KIAA1217: variants seen among roughly 807,000 people sequenced by gnomAD.
The protein encoded by KIAA1217 is sickle tail protein homolog.
KIAA1217 carries 88 observed loss-of-function variants against 163.9 expected under a neutral mutation model. That is an observed-to-expected ratio of 0.54 (90% CI 0.45 to 0.64). KIAA1217 has a LOEUF of 0.64. Ranked by LOEUF, KIAA1217 falls within the 30% of genes least tolerant of loss-of-function variation. The probability of loss-of-function intolerance (pLI) is 0.00; values close to 1 mark genes in which losing one functional copy is unlikely to be tolerated. For synonymous variants in KIAA1217, 903 were observed against 923.1 expected (o/e 0.98, Z 0.39); for missense variants, 2,372 against 2,475.0 (o/e 0.96, Z 0.88).
At chr10:24,014,747 G>A (rs1000912238) in intron 2 of KIAA1217, among the ~76,000 whole-genome samples, 11 of 152,038 alleles carry the variant, frequency 7.2e-5, no homozygotes, top group Admixed American at 4.6e-4. Flanking sequence ...TTGAAATATG[G>A]CCAAGTTATA....
intron 2 of KIAA1217, among the ~76,000 whole-genome samples, chr10:24,171,067 G>A (rs2065605935): frequency 6.6e-6 from 1 of 152,210 alleles, no homozygotes; most frequent in Admixed American, 6.5e-5. Context: ...TAAAAGCTTA[G>A]ATTGGTAGCA....
chr10:24,200,281 T>TC (rs2067193862), intron 2 of KIAA1217, among the ~76,000 whole-genome samples: 1 of 151,532 alleles, frequency 6.6e-6, no homozygotes, highest in Admixed American at 6.6e-5. Context: ...AGCTATCAGC[T>TC]CACTGCACTC....
At chr10:23,800,042 T>C (rs981121674) in intron 1 of KIAA1217, among the ~76,000 whole-genome samples, 6 of 152,194 alleles carry the variant, frequency 3.9e-5, no homozygotes, top group Admixed American at 3.9e-4. Flanking sequence ...CCACTGGGTA[T>C]CTTAGAAATC....
intron 2 of KIAA1217, among the ~76,000 whole-genome samples, chr10:24,170,867 C>T (rs1028280947): frequency 3.3e-5 from 5 of 152,202 alleles, no homozygotes; most frequent in African/African-American, 1.2e-4. Context: ...TGAAGGGGGC[C>T]CACATCCTGT....
At chr10:23,995,456 G>GTT (rs1425582910) in intron 1 of KIAA1217, among the ~76,000 whole-genome samples, 5 of 100,590 alleles carry the variant, frequency 5.0e-5, no homozygotes, top group African/African-American at 1.5e-4. Flanking sequence ...TGGCCTGTGT[G>GTT]TGTGTGTGTG....
At chr10:24,266,653 G>A (rs902517291) in intron 2 of KIAA1217, among the ~76,000 whole-genome samples, 5 of 152,012 alleles carry the variant, frequency 3.3e-5, no homozygotes, top group Non-Finnish European at 5.9e-5. Flanking sequence ...ACCAATCAGC[G>A]CTCTGTAAAA....
intron 2 of KIAA1217, among the ~76,000 whole-genome samples, chr10:24,328,490 C>T (rs2045237239): frequency 1.0e-5 from 1 of 98,724 alleles, no homozygotes; most frequent in Non-Finnish European, 2.0e-5. Flanking sequence ...CTGGGGCGAT[C>T]AGTTTTTATG....
intron 2 of KIAA1217, among the ~76,000 whole-genome samples, chr10:24,071,141 T>C (rs2061172379): frequency 6.6e-6 from 1 of 152,172 alleles, no homozygotes; most frequent in Non-Finnish European, 1.5e-5. Flanking sequence ...GAAGATAATA[T>C]GAAGCTTGCT....
rs1399781981 is a variant in KIAA1217, at chr10:24,075,040, A to ATACC, written c.-171+67668_-171+67671dup. Among the ~76,000 whole-genome samples, 9 of 151,600 alleles carry ATACC rather than the reference A, an allele frequency of 5.9e-5. No homozygotes were observed. The East Asian group carries it at 1.8e-3, about 30-fold the overall frequency. ...TCTCATGTAATACCTAGCACCCTCC[A>ATACC]TACCTTCCTCTATGCTCTACATGAT... is the stretch of plus-strand genomic sequence containing the variant. On this transcript the variant is annotated intron_variant, in intron 2 of 18. Transcript: ENST00000376462.
chr10:23,960,268 C>T (rs1421522166), intron 1 of KIAA1217, among the ~76,000 whole-genome samples: 1 of 151,276 alleles, frequency 6.6e-6, no homozygotes, highest in Non-Finnish European at 1.5e-5. Context: ...AAGTCAGAAA[C>T]ACCTTCTTGC....
intron 2 of KIAA1217, among the ~76,000 whole-genome samples, chr10:24,088,951 C>T (rs1469009501): frequency 1.6e-5 from 2 of 125,066 alleles, no homozygotes; most frequent in African/African-American, 5.0e-5. Context: ...TCCTCTCTAG[C>T]ACCTGTTGTT....
chr10:24,148,068 T>G (rs1179771394), intron 2 of KIAA1217, among the ~76,000 whole-genome samples: 2 of 151,864 alleles, frequency 1.3e-5, no homozygotes, highest in Admixed American at 1.3e-4. Flanking sequence ...AGGCAAAAGG[T>G]TTTTTCTCCT....
chr10:23,890,671 C>A (rs183087465), intron 1 of KIAA1217, among the ~76,000 whole-genome samples: 2 of 151,872 alleles, frequency 1.3e-5, no homozygotes, highest in Non-Finnish European at 2.9e-5. Flanking sequence ...TGGCATACAG[C>A]CTATATTGAT....
chr10:23,722,819 C>T (rs982436916), intron 1 of KIAA1217, among the ~76,000 whole-genome samples: 1 of 152,172 alleles, frequency 6.6e-6, no homozygotes, highest in Admixed American at 6.5e-5. Flanking sequence ...TAACAGAAAT[C>T]CCACTTCAGA....
At chr10:24,096,219 T>A (rs1376145871) in intron 2 of KIAA1217, among the ~76,000 whole-genome samples, 1 of 152,234 alleles carries the variant, frequency 6.6e-6, no homozygotes, top group Non-Finnish European at 1.5e-5. Flanking sequence ...TGTCTGTTGT[T>A]TGTGCTAAAA....
intron 7 of KIAA1217, chr10:24,494,904 C>T (rs1409267811): frequency 1.6e-5 from 9 of 578,378 alleles, no homozygotes; most frequent in Middle Eastern, 4.6e-4. Flanking sequence ...ACCACCCTTG[C>T]GTGTCCACGT....
chr10:23,926,497 A>G (rs1484961745), intron 1 of KIAA1217, among the ~76,000 whole-genome samples: 2 of 152,068 alleles, frequency 1.3e-5, no homozygotes, highest in African/African-American at 4.8e-5. Context: ...GGGCGACGTG[A>G]GTGGATCACC....
At chr10:24,258,680 C>T (rs1035020175) in intron 2 of KIAA1217, among the ~76,000 whole-genome samples, 5 of 151,852 alleles carry the variant, frequency 3.3e-5, no homozygotes, top group African/African-American at 1.2e-4. Context: ...GCAAGCTCCA[C>T]CTCCCGGGTT....
chr10:23,978,686 A>G (rs1845641420), intron 1 of KIAA1217, among the ~76,000 whole-genome samples: 1 of 152,186 alleles, frequency 6.6e-6, no homozygotes, highest in South Asian at 2.1e-4. Flanking sequence ...TTATATATAT[A>G]ATGTACATGA....
Sources: allele counts gnomAD v4.1 joint callset (sites outside exome capture counted in the v4.1 genomes callset), GRCh38; gene constraint gnomAD v4.1.1; transcripts MANE v1.5; gene names NCBI Gene and HGNC (gene_info 2026-07-23, HGNC 2026-07-21).